AGTPBP1: variants seen among roughly 807,000 people sequenced by gnomAD.
AGTPBP1 encodes the protein ATP/GTP binding carboxypeptidase 1, also known as cytosolic carboxypeptidase 1.
In AGTPBP1, 70 loss-of-function variants were observed where a neutral mutation model predicts 143.9. The observed-to-expected ratio is 0.49, with a 90% CI of 0.40 to 0.59. The LOEUF (loss-of-function observed/expected upper bound fraction) is 0.59, where lower values mean the gene tolerates loss of function less well. Among genes scored for constraint, AGTPBP1 ranks in the 20% least tolerant of loss-of-function variants. AGTPBP1 has a pLI of 0.00. For missense variants in AGTPBP1, 1,229 were observed against 1,464.5 expected, an observed-to-expected ratio of 0.84 and a Z score of 2.62; for synonymous variants, 463 against 500.2, an observed-to-expected ratio of 0.93 and a Z score of 0.99.
At chr9:85,770,315 G>A in the AGTPBP1 span, 8 of 1,605,154 alleles carry the variant, frequency 5.0e-6, no homozygotes, top group Non-Finnish European at 6.8e-6. Context: ...CTTGAAGAAG[G>A]GATTGAAGCT....
Position 85,568,965 on chromosome 9 carries a change from T to C in AGTPBP1, c.3503+6350A>G, listed in dbSNP as rs778372902. 5.3e-5 allele frequency among the ~76,000 whole-genome samples: 8 copies of C among 151,928 alleles called. No individual in the cohort carries two copies. The South Asian group carries it at 8.3e-4, about 16-fold the overall frequency. On this transcript the variant is annotated intron_variant, in intron 25 of 25. Coordinates refer to ENST00000357081, the MANE Select transcript of AGTPBP1 (RefSeq NM_001330701.2). ...AAGATGGATCCACAGGTCTGGGAGA[T>C]TGTAAGTATTTTGGAGTTGTCAACA...
At chr9:85,640,320 C>T (rs1832381737) in intron 13 of AGTPBP1, among the ~76,000 whole-genome samples, 1 of 152,068 alleles carries the variant, frequency 6.6e-6, no homozygotes, top group Admixed American at 6.6e-5. Context: ...AATCAAGTGG[C>T]AACACAATTA....
At chr9:85,583,598 TAAAG>T (rs1166737701) in intron 23 of AGTPBP1, among the ~76,000 whole-genome samples, 3 of 151,782 alleles carry the variant, frequency 2.0e-5, no homozygotes, top group Non-Finnish European at 4.4e-5. Flanking sequence ...ATTAATCAAA[TAAAG>T]AAATCTGAGA....
chr9:85,774,036 G>A, the AGTPBP1 span: 18 of 1,577,284 alleles, frequency 1.1e-5, no homozygotes, highest in East Asian at 2.7e-4. Context: ...TCATTTCAAA[G>A]GTAACTTCCC....
chr9:85,744,720 G>A (rs1341047966), upstream of AGTPBP1, among the ~76,000 whole-genome samples: 1 of 152,118 alleles, frequency 6.6e-6, no homozygotes, highest in African/African-American at 2.4e-5. Context: ...GTGTGCACGC[G>A]GGCCCTTAGT....
At chr9:85,764,906 G>T in the AGTPBP1 span, 1 of 1,129,074 alleles carries the variant, frequency 8.9e-7, no homozygotes, top group South Asian at 1.2e-5. Context: ...CTTAAAAATG[G>T]TAGAGTGTTA....
At chr9:85,676,194 C>T (rs1191774667) in intron 6 of AGTPBP1, among the ~76,000 whole-genome samples, 1 of 151,950 alleles carries the variant, frequency 6.6e-6, no homozygotes, top group Non-Finnish European at 1.5e-5. Flanking sequence ...CAGAAACTGA[C>T]AAATGAGATG....
intron 25 of AGTPBP1, among the ~76,000 whole-genome samples, chr9:85,556,960 T>C (rs1332253930): frequency 6.6e-6 from 1 of 152,182 alleles, no homozygotes; most frequent in Non-Finnish European, 1.5e-5. Flanking sequence ...AACTTGATCT[T>C]ATCAGGAATA....
At chr9:85,775,443 C>T in the AGTPBP1 span, among the ~76,000 whole-genome samples, 1 of 150,794 alleles carries the variant, frequency 6.6e-6, no homozygotes, top group Middle Eastern at 3.5e-3. Context: ...TTGAAAGCAG[C>T]CTGGGCAGCA....
chr9:85,758,105 C>T, the AGTPBP1 span, among the ~76,000 whole-genome samples: 1 of 151,470 alleles, frequency 6.6e-6, no homozygotes, highest in African/African-American at 2.4e-5. Context: ...CACATATATG[C>T]TGTTACCACA....
the AGTPBP1 span, among the ~76,000 whole-genome samples, chr9:85,790,900 T>A: frequency 6.6e-6 from 1 of 152,222 alleles, no homozygotes; most frequent in African/African-American, 2.4e-5. Flanking sequence ...AAATATTTTT[T>A]TAAAATGTAT....
intron 3 of AGTPBP1, among the ~76,000 whole-genome samples, chr9:85,686,272 T>A (rs1410073775): frequency 6.6e-6 from 1 of 151,780 alleles, no homozygotes; most frequent in African/African-American, 2.4e-5. Context: ...AAAGACTATA[T>A]CATGCAAACA....
At chr9:85,548,057 T>A (rs1825826560) in intron 25 of AGTPBP1, among the ~76,000 whole-genome samples, 1 of 152,234 alleles carries the variant, frequency 6.6e-6, no homozygotes, top group South Asian at 2.1e-4. Flanking sequence ...CAGAAACATT[T>A]TAGAATCTCT....
intron 1 of AGTPBP1, among the ~76,000 whole-genome samples, chr9:85,717,717 A>G (rs918349342): frequency 1.3e-5 from 2 of 149,884 alleles, no homozygotes; most frequent in African/African-American, 4.9e-5. Context: ...TCTAGGGTAC[A>G]TGTGCACAAC....
At chr9:85,799,278 C>A in the AGTPBP1 span, among the ~76,000 whole-genome samples, 1 of 152,088 alleles carries the variant, frequency 6.6e-6, no homozygotes. Context: ...GTGAATAGTG[C>A]CGCAATAAAC....
chr9:85,718,685 T>C (rs910407783), intron 1 of AGTPBP1, among the ~76,000 whole-genome samples: 1 of 152,216 alleles, frequency 6.6e-6, no homozygotes, highest in Non-Finnish European at 1.5e-5. Context: ...TAGATCCCAT[T>C]TGTCAATTTT....
At chr9:85,711,731 C>T (rs528113680) in intron 2 of AGTPBP1, among the ~76,000 whole-genome samples, 2 of 152,142 alleles carry the variant, frequency 1.3e-5, no homozygotes, top group East Asian at 1.9e-4. Context: ...TAAGCCACTG[C>T]GCCCAGCCTA....
chr9:85,608,099 T>C (rs1428107398), intron 17 of AGTPBP1, among the ~76,000 whole-genome samples: 2 of 152,026 alleles, frequency 1.3e-5, no homozygotes, highest in Admixed American at 1.3e-4. Flanking sequence ...AGACAGAATA[T>C]AACAAACTTT....
chr9:85,744,257 C>G (rs750667346), upstream of AGTPBP1, among the ~76,000 whole-genome samples: 1 of 152,148 alleles, frequency 6.6e-6, no homozygotes, highest in Non-Finnish European at 1.5e-5. Context: ...TTACTTTCCA[C>G]AGAGGTCTGC....
Sources: gnomAD v4.1 joint callset for allele counts (sites outside exome capture counted in the v4.1 genomes callset) on GRCh38, gnomAD v4.1.1 for gene constraint, MANE v1.5 for transcripts, NCBI Gene and HGNC (gene_info 2026-07-23, HGNC 2026-07-21) for gene names.